Variants in ARMH4 observed in about 807,000 individuals in gnomAD.
ARMH4 encodes the protein armadillo-like helical domain-containing protein 4.
A neutral mutation model predicts 61.9 loss-of-function variants in ARMH4; 49 were observed. The observed-to-expected ratio is 0.79, with a 90% CI of 0.63 to 1.00. The LOEUF is 1.00. ARMH4 is among the 50% of genes least tolerant of loss of function. ARMH4 has a pLI of 0.00. For missense variants in ARMH4, 934 were observed against 930.0 expected (o/e 1.00, Z -0.06); for synonymous variants, 368 against 341.5 (o/e 1.08, Z -0.85).
chr14:58,023,105 T>C (rs1286560806), intron 5 of ARMH4, among the ~76,000 whole-genome samples: 1 of 152,224 alleles, frequency 6.6e-6, no homozygotes, highest in African/African-American at 2.4e-5. Flanking sequence ...TAGGTGGTGG[T>C]TGCTGAAGGC....
At chr14:58,113,724 T>C (rs555370940) in intron 4 of ARMH4, among the ~76,000 whole-genome samples, 180 of 152,232 alleles carry the variant, frequency 1.2e-3, no homozygotes, top group Non-Finnish European at 1.9e-3. Context: ...CTACACTCTC[T>C]ATAATGTCTT....
chr14:58,018,070 C>T (rs1172752941), intron 5 of ARMH4, among the ~76,000 whole-genome samples: 1 of 152,122 alleles, frequency 6.6e-6, no homozygotes, highest in Non-Finnish European at 1.5e-5. Context: ...TGGATATCCA[C>T]ACGCAAAAGA....
intron 2 of ARMH4, 151 bp downstream of exon 2, chr14:58,137,839 G>T: frequency 1.3e-6 from 1 of 745,852 alleles, no homozygotes; most frequent in Non-Finnish European, 2.1e-6. Flanking sequence ...CTCACACCTC[G>T]GCCTCCGAAA....
At chr14:58,063,700 T>C (rs1192707697) in intron 5 of ARMH4, among the ~76,000 whole-genome samples, 1 of 151,522 alleles carries the variant, frequency 6.6e-6, no homozygotes, top group East Asian at 1.9e-4. Flanking sequence ...ACTTTGGTAC[T>C]GTCATCTATC....
intron 5 of ARMH4, among the ~76,000 whole-genome samples, chr14:58,078,880 T>A (rs1042080052): frequency 1.3e-5 from 2 of 152,174 alleles, no homozygotes; most frequent in South Asian, 4.1e-4. Context: ...CAGAAACTGG[T>A]TGAAACATAG....
At chr14:58,015,754 TAAA>T (rs34004432) in intron 5 of ARMH4, among the ~76,000 whole-genome samples, 29 of 136,250 alleles carry the variant, frequency 2.1e-4, no homozygotes, top group Non-Finnish European at 3.6e-4. Flanking sequence ...TATTTTTAGT[TAAA>T]AAAAAAAAAA....
intron 5 of ARMH4, among the ~76,000 whole-genome samples, chr14:58,080,380 C>T (rs924638685): frequency 9.9e-5 from 15 of 152,248 alleles, no homozygotes; most frequent in South Asian, 8.3e-4. Context: ...CCACCCACCT[C>T]GGCCTCCCAA....
At chr14:58,150,758 A>G (rs984254788) in intron 1 of ARMH4, among the ~76,000 whole-genome samples, 2 of 152,154 alleles carry the variant, frequency 1.3e-5, no homozygotes, top group Non-Finnish European at 2.9e-5. Flanking sequence ...CAAAAAAAAA[A>G]CCACTTTATT....
intron 2 of ARMH4, among the ~76,000 whole-genome samples, chr14:58,137,392 A>AT (rs918658988): frequency 3.3e-5 from 5 of 151,558 alleles, no homozygotes; most frequent in Admixed American, 6.6e-5. Context: ...TTTGGGTGTA[A>AT]TTTTTTTTTC....
intron 5 of ARMH4, among the ~76,000 whole-genome samples, chr14:58,059,200 C>A (rs536870247): frequency 9.2e-5 from 14 of 152,352 alleles, no homozygotes; most frequent in East Asian, 3.9e-4. Context: ...CAGAGAGCTG[C>A]ATTAGCACAG....
intron 2 of ARMH4, among the ~76,000 whole-genome samples, chr14:58,134,090 T>C (rs1365150698): frequency 6.6e-6 from 1 of 152,242 alleles, no homozygotes; most frequent in Non-Finnish European, 1.5e-5. Context: ...AAAGATTAGA[T>C]AACACAAGTA....
intron 5 of ARMH4, among the ~76,000 whole-genome samples, chr14:58,033,213 G>GCAGA (rs1269192081): frequency 1.1e-3 from 127 of 116,274 alleles, no homozygotes; most frequent in African/African-American, 3.6e-3. Context: ...CTGAGAACGG[G>GCAGA]CAGACTGCCT....
At chr14:58,115,372 G>C (rs1440008650) in intron 4 of ARMH4, among the ~76,000 whole-genome samples, 2 of 152,162 alleles carry the variant, frequency 1.3e-5, no homozygotes, top group Admixed American at 1.3e-4. Flanking sequence ...ACCACAATGA[G>C]ATGTCATCTC....
intron 6 of ARMH4, among the ~76,000 whole-genome samples, chr14:58,010,680 A>G (rs1481348121): frequency 6.6e-6 from 1 of 152,168 alleles, no homozygotes; most frequent in Non-Finnish European, 1.5e-5. Flanking sequence ...GAGACAAGAT[A>G]AGAATAAAGG....
At chr14:58,049,196 A>G (rs962162925) in intron 5 of ARMH4, among the ~76,000 whole-genome samples, 5 of 150,448 alleles carry the variant, frequency 3.3e-5, no homozygotes, top group Non-Finnish European at 7.4e-5. Flanking sequence ...CCGAGATGGC[A>G]CCACTGCACT....
intron 5 of ARMH4, among the ~76,000 whole-genome samples, chr14:58,051,977 C>T (rs1376809695): frequency 1.3e-5 from 2 of 152,190 alleles, no homozygotes; most frequent in East Asian, 1.9e-4. Flanking sequence ...TTCAACCTCT[C>T]GATTCTGTTC....
intron 5 of ARMH4, among the ~76,000 whole-genome samples, chr14:58,085,260 T>C (rs1248236469): frequency 6.6e-6 from 1 of 152,100 alleles, no homozygotes; most frequent in Non-Finnish European, 1.5e-5. Context: ...CTCTTTAACA[T>C]CATCTTTGTT....
chr14:58,084,211 A>G (rs1213683264), intron 5 of ARMH4, among the ~76,000 whole-genome samples: 2 of 113,180 alleles, frequency 1.8e-5, no homozygotes, highest in East Asian at 4.6e-4. Flanking sequence ...CACTGGAAAC[A>G]AACTTCTAGC....
chr14:58,005,207 T>C (rs1882120516), intron 6 of ARMH4, 25 bp from the exon 7 acceptor site: 12 of 1,613,442 alleles, frequency 7.4e-6, no homozygotes, highest in African/African-American at 1.3e-5. Context: ...AAACACACAT[T>C]AGGATGCTAA....
Sources: allele counts gnomAD v4.1 joint callset (sites outside exome capture counted in the v4.1 genomes callset), GRCh38; gene constraint gnomAD v4.1.1; transcripts MANE v1.5; gene names NCBI Gene and HGNC (gene_info 2026-07-23, HGNC 2026-07-21).